The following OSBPL9 variants were observed in gnomAD, a reference collection of about 807,000 sequenced individuals.
OSBPL9 encodes oxysterol-binding protein-related protein 9.
In OSBPL9, 40 loss-of-function variants were observed where a neutral mutation model predicts 106.6. The ratio of observed to expected loss-of-function variants is 0.38; its 90% CI spans 0.29 to 0.49. The LOEUF (loss-of-function observed/expected upper bound fraction) is 0.49. Among genes scored for constraint, OSBPL9 ranks in the 20% least tolerant of loss-of-function variants. OSBPL9 has a pLI of 0.97. For missense variants in OSBPL9, 609 were observed against 887.2 expected, an observed-to-expected ratio of 0.69 and a Z score of 3.98; for synonymous variants, 269 against 295.4, an observed-to-expected ratio of 0.91 and a Z score of 0.92.
intron 2 of OSBPL9, among the ~76,000 whole-genome samples, chr1:51,606,981 C>A (rs1260227050): frequency 1.3e-5 from 2 of 151,398 alleles, no homozygotes; most frequent in East Asian, 3.9e-4. Flanking sequence ...ACCCGGGAGG[C>A]GGAGCTTGCA....
At chr1:51,769,575 T>C (rs1286072492) in intron 12 of OSBPL9, among the ~76,000 whole-genome samples, 1 of 152,262 alleles carries the variant, frequency 6.6e-6, no homozygotes, top group African/African-American at 2.4e-5. Context: ...ATTATTATTA[T>C]AATTCATAGC....
At chr1:51,571,353 A>G in the OSBPL9 span, among the ~76,000 whole-genome samples, 4 of 152,200 alleles carry the variant, frequency 2.6e-5, no homozygotes, top group Non-Finnish European at 5.9e-5. Context: ...ACATTATGTT[A>G]GGAGTTGTCT....
chr1:51,594,183 G>A (rs1645288976), intron 1 of OSBPL9, among the ~76,000 whole-genome samples: 1 of 151,992 alleles, frequency 6.6e-6, no homozygotes, highest in African/African-American at 2.4e-5. Flanking sequence ...GATCACCTGA[G>A]GTCAGGAGTT....
chr1:51,646,912 C>G (rs1646191635), intron 1 of OSBPL9, among the ~76,000 whole-genome samples: 2 of 152,140 alleles, frequency 1.3e-5, no homozygotes, highest in South Asian at 4.1e-4. Context: ...AATCTAGATG[C>G]CTTTATTTCC....
chr1:51,544,837 C>CTTTTTT, the OSBPL9 span, among the ~76,000 whole-genome samples: 240 of 80,238 alleles, frequency 3.0e-3, 1 homozygote, highest in Middle Eastern at 0.01. Flanking sequence ...AAGAGACATG[C>CTTTTTT]TTTTTTTTTT....
chr1:51,653,196 GT>G (rs543770791), intron 2 of OSBPL9, among the ~76,000 whole-genome samples: 33 of 145,434 alleles, frequency 2.3e-4, no homozygotes, highest in Admixed American at 8.9e-4. Context: ...TCTAGTTTTT[GT>G]TTTTTTTTTT....
chr1:51,605,086 A>T (rs1388140800), intron 2 of OSBPL9, among the ~76,000 whole-genome samples: 1 of 152,192 alleles, frequency 6.6e-6, no homozygotes, highest in African/African-American at 2.4e-5. Flanking sequence ...AAAATATTTT[A>T]CTATCTGACA....
chr1:51,711,705 C>A (rs1168535928), intron 3 of OSBPL9, among the ~76,000 whole-genome samples: 1 of 145,680 alleles, frequency 6.9e-6, no homozygotes, highest in African/African-American at 2.6e-5. Flanking sequence ...ACGGGGCGGC[C>A]GGGCAGAGAT....
intron 13 of OSBPL9, 71 bp downstream of exon 13, chr1:51,772,253 C>CT (rs1674073835): frequency 7.7e-7 from 1 of 1,292,094 alleles, no homozygotes; most frequent in Non-Finnish European, 1.1e-6. Flanking sequence ...TGGCTCATGC[C>CT]GTAATCCCAG....
intron 3 of OSBPL9, among the ~76,000 whole-genome samples, chr1:51,705,895 C>T (rs1658441512): frequency 6.6e-6 from 1 of 152,172 alleles, no homozygotes; most frequent in African/African-American, 2.4e-5. Flanking sequence ...ATTCATTTCA[C>T]ATTTTATTCT....
At chr1:51,568,426 C>A in the OSBPL9 span, among the ~76,000 whole-genome samples, 1 of 152,188 alleles carries the variant, frequency 6.6e-6, no homozygotes, top group Non-Finnish European at 1.5e-5. Context: ...TACCTAGAAA[C>A]AGAGCCTGGG....
At chr1:51,769,087 C>T (rs552271717) in intron 12 of OSBPL9, among the ~76,000 whole-genome samples, 3 of 152,292 alleles carry the variant, frequency 2.0e-5, no homozygotes, top group African/African-American at 7.2e-5. Context: ...GCTGACTCCC[C>T]AGTTCCATAT....
intron 2 of OSBPL9, among the ~76,000 whole-genome samples, chr1:51,604,571 T>A (rs1643927151): frequency 6.6e-6 from 1 of 151,812 alleles, no homozygotes; most frequent in African/African-American, 2.4e-5. Flanking sequence ...AAAAAAAAAT[T>A]CATTAGGTAT....
At chr1:51,718,783 T>C (rs1661534796) in intron 4 of OSBPL9, among the ~76,000 whole-genome samples, 1 of 152,240 alleles carries the variant, frequency 6.6e-6, no homozygotes, top group Admixed American at 6.5e-5. Context: ...TTATAGCCTG[T>C]TCCCTTCTTC....
At chr1:51,772,851 A>T in intron 14 of OSBPL9, 128 bp downstream of exon 14, 2 of 719,452 alleles carry the variant, frequency 2.8e-6, no homozygotes, top group Non-Finnish European at 5.0e-6. Flanking sequence ...TTGTGATTTA[A>T]TATAGATGTA....
intron 2 of OSBPL9, among the ~76,000 whole-genome samples, chr1:51,612,007 A>T (rs1643991632): frequency 6.6e-6 from 1 of 152,124 alleles, no homozygotes; most frequent in South Asian, 2.1e-4. Context: ...CATACATACA[A>T]AACAAAACTT....
intron 2 of OSBPL9, among the ~76,000 whole-genome samples, chr1:51,661,404 ATG>A (rs1282508840): frequency 6.6e-6 from 1 of 152,158 alleles, no homozygotes; most frequent in African/African-American, 2.4e-5. Flanking sequence ...TGTCTGAAGT[ATG>A]TCTGTGTGTA....
At chr1:51,611,280 C>T (rs1203540635) in intron 2 of OSBPL9, among the ~76,000 whole-genome samples, 2 of 150,868 alleles carry the variant, frequency 1.3e-5, no homozygotes, top group Non-Finnish European at 2.9e-5. Context: ...ACAAAACAGG[C>T]TATGCCTTAT....
intron 1 of OSBPL9, among the ~76,000 whole-genome samples, chr1:51,593,105 T>A (rs1645284784): frequency 6.6e-6 from 1 of 152,102 alleles, no homozygotes; most frequent in South Asian, 2.1e-4. Context: ...CTCCTGAACA[T>A]TTTTCCTGTC....
Sources: allele counts gnomAD v4.1 joint callset (sites outside exome capture counted in the v4.1 genomes callset), GRCh38; gene constraint gnomAD v4.1.1; transcripts MANE v1.5; gene names NCBI Gene and HGNC (gene_info 2026-07-23, HGNC 2026-07-21).